FAF1: variants seen among roughly 807,000 people sequenced by gnomAD.
FAF1 encodes the protein FAS-associated factor 1.
In FAF1, 25 loss-of-function variants were observed where a neutral mutation model predicts 92.5. The ratio of observed to expected loss-of-function variants is 0.27; its 90% CI spans 0.20 to 0.38. FAF1 has a LOEUF of 0.38. FAF1 is among the 10% of genes least tolerant of loss of function. FAF1 has a pLI of 1.00. For missense variants in FAF1, 636 were observed against 793.3 expected (o/e 0.80, Z 2.38); for synonymous variants, 234 against 273.2 (o/e 0.86, Z 1.42).
chr1:50,914,137 T>C (rs1644905010), intron 1 of FAF1, among the ~76,000 whole-genome samples: 1 of 152,182 alleles, frequency 6.6e-6, no homozygotes, highest in African/African-American at 2.4e-5. Flanking sequence ...GACGAGACCA[T>C]GGATTCCTGA....
At chr1:50,644,062 C>T (rs1280853039) in intron 8 of FAF1, among the ~76,000 whole-genome samples, 4 of 152,172 alleles carry the variant, frequency 2.6e-5, no homozygotes, top group Non-Finnish European at 5.9e-5. Context: ...TTTTGACTGA[C>T]TTCTTTTCTG....
chr1:50,534,716 T>C (rs1007057857), intron 15 of FAF1, among the ~76,000 whole-genome samples: 1 of 152,186 alleles, frequency 6.6e-6, no homozygotes, highest in Non-Finnish European at 1.5e-5. Context: ...ATTTTGAGGA[T>C]CATATGAGAT....
At chr1:50,844,931 G>A (rs1302128335) in intron 2 of FAF1, among the ~76,000 whole-genome samples, 1 of 151,952 alleles carries the variant, frequency 6.6e-6, no homozygotes, top group Non-Finnish European at 1.5e-5. Context: ...TCCAAATAAA[G>A]GTTCAATAAA....
intron 12 of FAF1, among the ~76,000 whole-genome samples, chr1:50,574,085 C>G (rs1650593539): frequency 6.6e-6 from 1 of 152,120 alleles, no homozygotes; most frequent in South Asian, 2.1e-4. Flanking sequence ...GAAATTGTGC[C>G]ACTACACTCC....
Position 50,600,026 on chromosome 1 carries a change from G to A in FAF1, c.745-3810C>T, listed in dbSNP as rs183175965. ...AAAAAGTTTCAGATTTTCAGATTACGGATACTCAACCTGTGATTGAGTATC... is the reference window on the plus strand; with the variant it reads ...AAAAAGTTTCAGATTTTCAGATTACAGATACTCAACCTGTGATTGAGTATC... On this transcript the variant is annotated intron_variant, in intron 8 of 18. Transcript: ENST00000396153. Among the ~76,000 whole-genome samples the A allele has an allele frequency of 2.6e-5, 4 of 151,830 alleles. No homozygotes were observed. The East Asian group carries it at 6.0e-4, about 23-fold the overall frequency.
intron 13 of FAF1, among the ~76,000 whole-genome samples, chr1:50,548,328 G>A (rs1426753920): frequency 6.6e-6 from 1 of 152,108 alleles, no homozygotes; most frequent in African/African-American, 2.4e-5. Flanking sequence ...AGAAAGGAAC[G>A]GGTGCTTAGA....
intron 18 of FAF1, among the ~76,000 whole-genome samples, chr1:50,460,808 ATG>A (rs61176999): frequency 1.2e-3 from 171 of 146,616 alleles, no homozygotes; most frequent in African/African-American, 2.0e-3. Flanking sequence ...GTATTTGTAT[ATG>A]TGTGTGTGTG....
intron 5 of FAF1, among the ~76,000 whole-genome samples, 194 bp from the exon 6 acceptor site, chr1:50,739,148 AG>A (rs1332959901): frequency 1.3e-5 from 2 of 151,912 alleles, no homozygotes; most frequent in East Asian, 3.9e-4. Context: ...ATACATATAT[AG>A]GGGAAATATG....
intron 18 of FAF1, among the ~76,000 whole-genome samples, chr1:50,452,673 G>C (rs1050631150): frequency 1.6e-4 from 25 of 152,274 alleles, no homozygotes; most frequent in South Asian, 6.2e-4. Flanking sequence ...TTTCTGGTTA[G>C]GTTTAGAACT....
Position 50,892,292 on chromosome 1 carries a change from C to T in FAF1, c.46-34295G>A, listed in dbSNP as rs555118373. On this transcript the variant is annotated intron_variant, in intron 1 of 18. Coordinates refer to ENST00000396153, the MANE Select transcript of FAF1 (RefSeq NM_007051.3). Reference sequence around the variant, plus strand: ...TTGGCTAGGAAAGGGAATTCCCTGACGCTTCATGCTTCCTGGGTGAGATGA... The same window carrying T: ...TTGGCTAGGAAAGGGAATTCCCTGATGCTTCATGCTTCCTGGGTGAGATGA... Among the ~76,000 whole-genome samples the T allele has an allele frequency of 1.8e-4, 27 of 152,354 alleles. No individual in the cohort carries two copies. The South Asian group carries it at 3.7e-3, about 21-fold the overall frequency.
chr1:50,567,325 A>G, intron 12 of FAF1, 94 bp from the exon 13 acceptor site: 1 of 839,770 alleles, frequency 1.2e-6, no homozygotes, highest in Non-Finnish European at 1.7e-6. Flanking sequence ...TATGAACAGC[A>G]AAGACAAAAA....
At position 50,788,668 on chromosome 1, in the gene FAF1, T is replaced by C. The variant is rs1409133821; in HGVS notation, c.162-463A>G. ...TCTCACATCTCAGTGTTAAAAGGTA[T>C]CTTTTTCCATTTTGCCAAGAAAACA... On this transcript the variant is annotated intron_variant, in intron 3 of 18. Coordinates refer to ENST00000396153, the MANE Select transcript of FAF1 (RefSeq NM_007051.3). 5.3e-5 allele frequency among the ~76,000 whole-genome samples: 8 copies of C among 152,288 alleles called. No individual in the cohort carries two copies. In the East Asian group the frequency reaches 1.5e-3, roughly 29 times the overall value.
At chr1:50,954,012 G>A (rs1416169668) in intron 1 of FAF1, among the ~76,000 whole-genome samples, 2 of 151,624 alleles carry the variant, frequency 1.3e-5, no homozygotes, top group Non-Finnish European at 1.5e-5. Flanking sequence ...GCAGTGGCGC[G>A]ATCTCGGCTC....
intron 13 of FAF1, among the ~76,000 whole-genome samples, chr1:50,562,683 G>C (rs116060502): frequency 6.6e-6 from 1 of 152,034 alleles, no homozygotes; most frequent in East Asian, 1.9e-4. Context: ...TTATATATTA[G>C]CTCTTATGTC....
At chr1:50,744,628 T>C (rs1216264675) in intron 5 of FAF1, 56 bp downstream of exon 5, 1 of 1,181,878 alleles carries the variant, frequency 8.5e-7, no homozygotes, top group Admixed American at 2.0e-5. Context: ...TTACATATCA[T>C]TTAATCAATG....
intron 12 of FAF1, among the ~76,000 whole-genome samples, chr1:50,574,266 CAA>C (rs1207339739): frequency 2.0e-5 from 3 of 152,268 alleles, no homozygotes; most frequent in African/African-American, 7.2e-5. Flanking sequence ...CACCATGTGG[CAA>C]AAGTTTTTAT....
intron 2 of FAF1, among the ~76,000 whole-genome samples, chr1:50,828,334 T>C (rs1241289494): frequency 6.6e-6 from 1 of 151,596 alleles, no homozygotes; most frequent in Non-Finnish European, 1.5e-5. Flanking sequence ...AGTGGCACGA[T>C]CTTGGCTCAC....
chr1:50,893,216 C>T (rs1467152192), intron 1 of FAF1, among the ~76,000 whole-genome samples: 2 of 152,120 alleles, frequency 1.3e-5, no homozygotes, highest in African/African-American at 4.8e-5. Context: ...GGTGAAGTCA[C>T]GTTTTCCTGG....
chr1:50,518,057 C>A (rs1390200075), intron 15 of FAF1, among the ~76,000 whole-genome samples: 1 of 152,206 alleles, frequency 6.6e-6, no homozygotes, highest in East Asian at 1.9e-4. Context: ...ACCACCACCA[C>A]AATCAGGATA....
Sources: allele counts gnomAD v4.1 joint callset (sites outside exome capture counted in the v4.1 genomes callset), GRCh38; gene constraint gnomAD v4.1.1; transcripts MANE v1.5; gene names NCBI Gene and HGNC (gene_info 2026-07-23, HGNC 2026-07-21).